ARSA: variants seen among roughly 807,000 people sequenced by gnomAD.
The protein encoded by ARSA is arylsulfatase A, also known as cerebroside-sulfatase.
In ARSA, 32 loss-of-function variants were observed where a neutral mutation model predicts 37.8. The ratio of observed to expected loss-of-function variants is 0.85; its 90% CI spans 0.64 to 1.14. The LOEUF (loss-of-function observed/expected upper bound fraction) is 1.14. Ranked by LOEUF, ARSA falls within the 50% of genes most tolerant of loss-of-function variation. ARSA has a pLI of 0.00. For synonymous variants in ARSA, 303 were observed against 303.4 expected (o/e 1.00, Z 0.01); for missense variants, 685 against 686.3 (o/e 1.00, Z 0.02).
At position 50,626,959 on chromosome 22, in the gene ARSA, G is replaced by A. The variant is rs1412729985; in HGVS notation, c.559C>T (p.Leu187=). Residue 187 remains leucine, a synonymous_variant, in exon 3 of 8, where the codon CTG becomes TTG. Coordinates refer to ENST00000216124, the MANE Select transcript of ARSA (RefSeq NM_000487.6). The part of the protein sequence containing the change: ...GLVPIPLLAN[L]SVEAQPPWLP... ...CAGGGGGGCTGCGCCTCCACGGACA[G>A]GTTGGCCAACAGTGGGATGGGGACC... is the stretch of plus-strand genomic sequence containing the variant. 6.2e-7 allele frequency: 1 copy of A among 1,613,090 alleles called. No homozygotes were observed.
Position 50,628,035 on chromosome 22 carries a change from C to T in ARSA, c.-256G>A, listed in dbSNP as rs1182131128. Reference sequence around the variant, plus strand: ...GATCTGATCCTCCTCGCCTAGCGGTCCGGGCTCAGGGTCGGGGGCGTAAGT... The same window carrying T: ...GATCTGATCCTCCTCGCCTAGCGGTTCGGGCTCAGGGTCGGGGGCGTAAGT... On this transcript the variant is annotated 5_prime_UTR_variant, in exon 1 of 8. Coordinates refer to ENST00000216124, the MANE Select transcript of ARSA (RefSeq NM_000487.6). 9.8e-6 allele frequency: 5 copies of T among 512,448 alleles called. No homozygotes were observed. Among genetic ancestry groups the T allele is most frequent in the South Asian group, 2.3e-5 (1 of 42,880 alleles). 31.7% of individuals were successfully genotyped at this position (512,448 alleles called of 1,614,324 possible). A position where few individuals can be genotyped will look rare whatever the true frequency, so the allele number is the denominator to read the frequency against.
In ARSA at chr22:50,625,039, A is replaced by G; in HGVS notation, c.*106T>C. 1 of 1,274,692 alleles carries G rather than the reference A, an allele frequency of 7.8e-7. No individual in the cohort carries two copies. The highest frequency in any genetic ancestry group is 2.6e-5 in the East Asian group (1 of 39,162). 79.0% of individuals were successfully genotyped at this position (1,274,692 alleles called of 1,614,324 possible). A position where few individuals can be genotyped will look rare whatever the true frequency, so the allele number is the denominator to read the frequency against. The stretch of plus-strand genomic sequence containing the variant: ...CGAATTGTCACATCTGCAAGTCTCC[A>G]CTGGTGTTATTACGTTATCAGGCAC... On this transcript the variant is annotated 3_prime_UTR_variant, in exon 8 of 8. Coordinates refer to ENST00000216124, the MANE Select transcript of ARSA (RefSeq NM_000487.6).
At chr22:50,625,513 C>A in intron 7 of ARSA, 49 bp from the exon 8 acceptor site, 3 of 1,611,798 alleles carry the variant, frequency 1.9e-6, no homozygotes, top group Non-Finnish European at 2.5e-6. Flanking sequence ...AGAGGAGGGG[C>A]CAGGGATCTA....
rs754722529 is a variant in ARSA, at chr22:50,626,153, C to T, written c.979+1G>A. 3.7e-6 allele frequency: 6 copies of T among 1,601,614 alleles called. No individual in the cohort carries two copies. The South Asian group carries it at 6.7e-5, about 18-fold the overall frequency. On this transcript the variant is annotated splice_donor_variant, in intron 5 of 7. Coordinates refer to ENST00000216124, the MANE Select transcript of ARSA (RefSeq NM_000487.6). LOFTEE classifies it high-confidence loss of function. ...TCCAAGGAGAGGGCCTGCGGACTGACCGGGAGCGATATGACCTGGCCAGAA... is the reference window on the plus strand; with the variant it reads ...TCCAAGGAGAGGGCCTGCGGACTGATCGGGAGCGATATGACCTGGCCAGAA...
chr22:50,627,215 G>T lies in ARSA; in HGVS notation c.416C>A (p.Pro139His), dbSNP rs1171169235. 1.2e-6 allele frequency: 2 copies of T among 1,612,294 alleles called. No individual in the cohort carries two copies. The highest frequency in any genetic ancestry group is 4.5e-5 in the East Asian group (2 of 44,854). ...GVGPEGAFLP[P>H]HQGFHRFLGI... ...TAGAAATCGATGGAAGCCCTGATGG[G>T]GGGGCAGGAAGGCCCCCTCAGGCCC... The change falls in exon 2 of 8, where the codon CCC (proline) becomes CAC (histidine). Residue 139 changes from proline (P) to histidine (H), a missense_variant. Transcript: ENST00000216124.
chr22:50,625,602 T>C lies in ARSA; in HGVS notation c.1187A>G (p.Tyr396Cys). 2 of 1,613,582 alleles carry C rather than the reference T, an allele frequency of 1.2e-6. No individual in the cohort carries two copies. Among genetic ancestry groups the C allele is most frequent in the Non-Finnish European group, 1.7e-6 (2 of 1,179,946 alleles). The change falls in exon 7 of 8, where the codon TAC (tyrosine) becomes TGC (cysteine). Residue 396 changes from tyrosine to cysteine, a missense_variant. Transcript: ENST00000216124. ...ACCCTGGGTGAAGAAGTGAGCCTTG[T>C]ACTTTCCAGTCCGCACAGCAAAAAC... ...RGVFAVRTGK[Y>C]KAHFFTQGSA...
At chr22:50,626,424 C>T (rs756183924) in intron 4 of ARSA, 146 bp from the exon 5 acceptor site, 242 of 1,493,462 alleles carry the variant, frequency 1.6e-4, no homozygotes, top group Admixed American at 2.1e-4. Context: ...CCAAGACCAG[C>T]TCTCTGTGCA....
chr22:50,627,451 C>T, intron 1 of ARSA, 45 bp from the exon 2 acceptor site: 1 of 1,606,210 alleles, frequency 6.2e-7, no homozygotes. Flanking sequence ...AGAAATGTGG[C>T]CTTCCCTAGA....
rs777557770 is a variant in ARSA at position 50,627,351 on chromosome 22, G to C, written c.280C>G (p.Leu94Val). The C allele has an allele frequency of 3.5e-5, 56 of 1,598,852 alleles. No homozygotes were observed. The highest frequency in any genetic ancestry group is 4.7e-5 in the Non-Finnish European group (55 of 1,174,434). ...AGGCCCCCCCGGGAGCTGGGCACCAGGACGCCAGGGTACATGCCCATCCGA... is the reference window on the plus strand; with the variant it reads ...AGGCCCCCCCGGGAGCTGGGCACCACGACGCCAGGGTACATGCCCATCCGA... ...PVRMGMYPGV[L>V]VPSSRGGLPL... Residue 94 changes from leucine to valine, a missense_variant, in exon 2 of 8, where the codon CTG becomes GTG. Physicochemically the swap from Leu to Val is conservative, Grantham distance 32. Coordinates refer to ENST00000216124, the MANE Select transcript of ARSA (RefSeq NM_000487.6).
At position 50,623,440 on chromosome 22, in the gene ARSA, G is replaced by A. The variant is rs1213630772; in HGVS notation, c.*1705C>T. The stretch of plus-strand genomic sequence containing the variant: ...AATAGATGCTCAAGCCCAGCCTGAT[G>A]TTTTATTTGTTTATTTGCAGACAGG... On this transcript the variant is annotated 3_prime_UTR_variant, in exon 8 of 8. Coordinates refer to ENST00000216124, the MANE Select transcript of ARSA (RefSeq NM_000487.6). The A allele has an allele frequency of 2.0e-5, 3 of 152,244 alleles. No individual in the cohort carries two copies. The highest frequency in any genetic ancestry group is 4.4e-5 in the Non-Finnish European group (3 of 68,062). 9.4% of individuals were successfully genotyped at this position (152,244 alleles called of 1,614,324 possible). A position where few individuals can be genotyped will look rare whatever the true frequency, so the allele number is the denominator to read the frequency against.
rs1361318621 is a variant in ARSA, at chr22:50,626,559, G to C, written c.854+32C>G. On this transcript the variant is annotated intron_variant, in intron 4 of 7. Coordinates refer to ENST00000216124, the MANE Select transcript of ARSA (RefSeq NM_000487.6). ...CCTCCAGGGCCCTGGCCCGTGACAGGGCCGGAGCACCCAGCTGCCCTGCTG... is the reference window on the plus strand; with the variant it reads ...CCTCCAGGGCCCTGGCCCGTGACAGCGCCGGAGCACCCAGCTGCCCTGCTG... The C allele has an allele frequency of 1.9e-6, 3 of 1,609,120 alleles. No individual in the cohort carries two copies. The East Asian group carries it at 6.7e-5, about 36-fold the overall frequency.
chr22:50,627,806 G>A lies in ARSA; in HGVS notation c.-27C>T. ...GGACCGAGGGGTCTGTCCCAAGAGA[G>A]GGAGGGCTACTTGGCTCCAGCAGGC... On this transcript the variant is annotated 5_prime_UTR_variant, in exon 1 of 8. Coordinates refer to ENST00000216124, the MANE Select transcript of ARSA (RefSeq NM_000487.6). 6.5e-7 allele frequency: 1 copy of A among 1,529,636 alleles called. No homozygotes were observed. The highest frequency in any genetic ancestry group is 8.8e-7 in the Non-Finnish European group (1 of 1,140,072). 94.8% of individuals were successfully genotyped at this position (1,529,636 alleles called of 1,614,324 possible).
intron 3 of ARSA, 27 bp from the exon 4 acceptor site, chr22:50,626,787 T>C (rs1190420985): frequency 6.2e-7 from 1 of 1,610,998 alleles, no homozygotes; most frequent in Non-Finnish European, 8.5e-7. Flanking sequence ...GAGTTAGCAC[T>C]GGGTAGGGGT....
In ARSA at chr22:50,623,465, G is replaced by A. The variant is rs1251621972; in HGVS notation, c.*1680C>T. 6.6e-6 allele frequency: 1 copy of A among 152,148 alleles called. No individual in the cohort carries two copies. The highest frequency in any genetic ancestry group is 1.5e-5 in the Non-Finnish European group (1 of 68,042). The allele number at this position is 152,148 out of a possible 1,614,324, so 9.4% of individuals were successfully genotyped here. ...GTTTTATTTGTTTATTTGCAGACAG[G>A]GTCTCACTCTGTCCCCGAGGCTGGA... On this transcript the variant is annotated 3_prime_UTR_variant, in exon 8 of 8. Coordinates refer to ENST00000216124, the MANE Select transcript of ARSA (RefSeq NM_000487.6).
At chr22:50,626,538 C>T in intron 4 of ARSA, 53 bp downstream of exon 4, 1 of 1,604,698 alleles carries the variant, frequency 6.2e-7, no homozygotes. Context: ...GCAAGGCCTC[C>T]AGGGCCCTGG....
At chr22:50,625,803 G>A in intron 6 of ARSA, 122 bp from the exon 7 acceptor site, 1 of 1,543,042 alleles carries the variant, frequency 6.5e-7, no homozygotes, top group South Asian at 1.2e-5. Context: ...AGGAACCTGA[G>A]AGGTGGCGCC....
Position 50,624,909 on chromosome 22 carries a change from C to A in ARSA, c.*236G>T, listed in dbSNP as rs1047293204. On this transcript the variant is annotated 3_prime_UTR_variant, in exon 8 of 8. Coordinates refer to ENST00000216124, the MANE Select transcript of ARSA (RefSeq NM_000487.6). ...GTTCAAATCCCAGCCCAACCTCTTTCTGGCTGGGTGATCTTGTACAAGTCC... is the reference window on the plus strand; with the variant it reads ...GTTCAAATCCCAGCCCAACCTCTTTATGGCTGGGTGATCTTGTACAAGTCC... The A allele has an allele frequency of 9.1e-6, 5 of 549,342 alleles. No individual in the cohort carries two copies. Among genetic ancestry groups the A allele is most frequent in the Non-Finnish European group, 1.6e-5 (5 of 320,918 alleles). The allele number at this position is 549,342 out of a possible 1,614,324, so 34.0% of individuals were successfully genotyped here.
intron 2 of ARSA, 51 bp downstream of exon 2, chr22:50,627,115 T>A (rs1228608916): frequency 6.3e-7 from 1 of 1,593,446 alleles, no homozygotes; most frequent in South Asian, 1.1e-5. Flanking sequence ...CATCAAGGGC[T>A]GGGGGACTTT....
Position 50,626,686 on chromosome 22 carries a change from C to T in ARSA, c.759G>A (p.Leu253=), listed in dbSNP as rs1249616269. 1 of 1,614,176 alleles carries T rather than the reference C, an allele frequency of 6.2e-7. No individual in the cohort carries two copies. The change falls in exon 4 of 8, where the codon CTG becomes CTA. Residue 253 remains leucine (L), a synonymous_variant. Coordinates refer to ENST00000216124, the MANE Select transcript of ARSA (RefSeq NM_000487.6). ...RSGRGPFGDS[L]MELDAAVGTL... ...TCCCCACAGCTGCATCCAGCTCCAT[C>T]AGGGAGTCCCCAAATGGCCCGCGGC... is the stretch of plus-strand genomic sequence containing the variant.
Sources: allele counts gnomAD v4.1 joint callset, GRCh38; gene constraint gnomAD v4.1.1; transcripts MANE v1.5; gene names NCBI Gene and HGNC (gene_info 2026-07-23, HGNC 2026-07-21).